Variants in MUS81 observed in about 807,000 individuals in gnomAD.
The protein encoded by MUS81 is MUS81 structure-specific endonuclease subunit.
In MUS81, 69 loss-of-function variants were observed where a neutral mutation model predicts 74.2. That is an observed-to-expected ratio of 0.93 (90% CI 0.77 to 1.14). MUS81 has a LOEUF of 1.14. Ranked by LOEUF, MUS81 falls within the 50% of genes most tolerant of loss-of-function variation. MUS81 has a pLI of 0.00. For missense variants in MUS81, 711 were observed against 726.5 expected (o/e 0.98, Z 0.25); for synonymous variants, 303 against 300.6 (o/e 1.01, Z -0.08).
intron 9 of MUS81, 41 bp downstream of exon 9, chr11:65,863,762 G>A (rs778454748): frequency 6.2e-7 from 1 of 1,614,176 alleles, no homozygotes; most frequent in South Asian, 1.1e-5. Flanking sequence ...GGCAGGGCCT[G>A]GTGGGTAGGG....
intron 14 of MUS81, 98 bp from the exon 15 acceptor site, chr11:65,865,713 C>A: frequency 8.0e-7 from 1 of 1,248,460 alleles, no homozygotes; most frequent in Non-Finnish European, 1.2e-6. Flanking sequence ...AGTGTCCCAA[C>A]TCTTCCATCC....
chr11:65,863,715 G>A lies in MUS81; in HGVS notation c.955G>A (p.Asp319Asn). 8.7e-6 allele frequency: 14 copies of A among 1,614,070 alleles called. No homozygotes were observed. The highest frequency in any genetic ancestry group is 1.2e-5 in the Non-Finnish European group (14 of 1,179,976). The change falls in exon 9 of 16, where the codon GAC (aspartate) becomes AAC (asparagine). Residue 319 changes from aspartate to asparagine, a missense_variant. Transcript: ENST00000308110. ...GGTGGCCCAGGAGACCAATCCTAGAGACCCAGGTGAAGGGCCGTGGACAGG... is the reference window on the plus strand; with the variant it reads ...GGTGGCCCAGGAGACCAATCCTAGAAACCCAGGTGAAGGGCCGTGGACAGG... ...VWVAQETNPR[D>N]PANPGELVLD... is the part of the protein sequence containing the mutation.
In MUS81 at chr11:65,860,665, C is replaced by T; in HGVS notation, c.-89C>T. 2 of 1,519,578 alleles carry T rather than the reference C, an allele frequency of 1.3e-6. No individual in the cohort carries two copies. Among genetic ancestry groups the T allele is most frequent in the Non-Finnish European group, 1.8e-6 (2 of 1,134,410 alleles). 94.1% of individuals were successfully genotyped at this position (1,519,578 alleles called of 1,614,324 possible). A position where few individuals can be genotyped will look rare whatever the true frequency, so the allele number is the denominator to read the frequency against. On this transcript the variant is annotated 5_prime_UTR_variant, in exon 1 of 16. Transcript: ENST00000308110. ...CGGTCTCCCTCTTCCCCCGCCCCGC[C>T]CTGGGCCAGGTGTTCGAATCCCGAC...
chr11:65,863,053 T>C lies in MUS81; in HGVS notation c.606-12T>C, dbSNP rs1565266702. The C allele has an allele frequency of 3.1e-6, 5 of 1,613,954 alleles. No individual in the cohort carries two copies. Among genetic ancestry groups the C allele is most frequent in the Non-Finnish European group, 3.4e-6 (4 of 1,179,996 alleles). On this transcript the variant is annotated splice_polypyrimidine_tract_variant and intron_variant, in intron 6 of 15. Coordinates refer to ENST00000308110, the MANE Select transcript of MUS81 (RefSeq NM_025128.5). Reference sequence around the variant, plus strand: ...AAGAAGGTAGAGCTGTGTTGTCCCCTCTGCCTCCCAGGTACTCATTGACCC... The same window carrying C: ...AAGAAGGTAGAGCTGTGTTGTCCCCCCTGCCTCCCAGGTACTCATTGACCC...
In MUS81 at chr11:65,861,423, C is replaced by G; in HGVS notation, c.339C>G (p.Asp113Glu). The change falls in exon 3 of 16, where the codon GAC (aspartate) becomes GAG (glutamate). Residue 113 changes from aspartate to glutamate, a missense_variant. Asp to Glu is a conservative substitution (Grantham distance 45). Coordinates refer to ENST00000308110, the MANE Select transcript of MUS81 (RefSeq NM_025128.5). Reference sequence around the variant, plus strand: ...AGGGGCGACTTGCGGAAGTCCAGGACTCTTCCATGCCAGTGAGGAAGGGGC... The same window carrying G: ...AGGGGCGACTTGCGGAAGTCCAGGAGTCTTCCATGCCAGTGAGGAAGGGGC... Reference protein sequence around the residue: ...APQGRLAEVQDSSMPVPAQPK... With the variant: ...APQGRLAEVQESSMPVPAQPK... 6.2e-7 allele frequency: 1 copy of G among 1,601,724 alleles called. No homozygotes were observed. The highest frequency in any genetic ancestry group is 8.5e-7 in the Non-Finnish European group (1 of 1,173,084).
At chr11:65,863,250 T>G (rs930599451) in intron 7 of MUS81, 45 bp downstream of exon 7, 3 of 1,591,258 alleles carry the variant, frequency 1.9e-6, no homozygotes, top group Non-Finnish European at 2.6e-6. Flanking sequence ...GAGGAGGGGA[T>G]GGGAAATGAG....
chr11:65,866,803 C>T (rs187686630), downstream of MUS81: 2,063 of 1,376,880 alleles, frequency 1.5e-3, 20 homozygotes, highest in Non-Finnish European at 9.0e-4. Flanking sequence ...CAGTGTGACC[C>T]GCCCACCTCA....
Position 65,861,362 on chromosome 11 carries a change from C to T in MUS81, c.278C>T (p.Pro93Leu), listed in dbSNP as rs750500996. 5 of 1,598,424 alleles carry T rather than the reference C, an allele frequency of 3.1e-6. No individual in the cohort carries two copies. In the African/African-American group the frequency reaches 4.0e-5, roughly 13 times the overall value. The change falls in exon 3 of 16, where the codon CCG becomes CTG. Residue 93 changes from proline (P) to leucine (L), a missense_variant. By Grantham distance (98) the Pro-to-Leu change is moderately conservative. Coordinates refer to ENST00000308110, the MANE Select transcript of MUS81 (RefSeq NM_025128.5). Reference protein sequence around the residue: ...RHRTSGGDHAPDSPSGENSPA... With the variant: ...RHRTSGGDHALDSPSGENSPA... ...TTCTCTCCCGCAGGTGACCATGCCC[C>T]GGACTCACCATCTGGAGAGAACAGT... is the stretch of plus-strand genomic sequence containing the variant.
At chr11:65,861,674 C>T (rs1859611471) in intron 3 of MUS81, 1 of 600,662 alleles carries the variant, frequency 1.7e-6, no homozygotes, top group Non-Finnish European at 2.9e-6. Context: ...GTTACGGGGT[C>T]ACCATTATTG....
chr11:65,865,622 G>C, intron 14 of MUS81, 189 bp from the exon 15 acceptor site: 1 of 663,390 alleles, frequency 1.5e-6, no homozygotes, highest in Non-Finnish European at 2.6e-6. Flanking sequence ...GCCTTTGCTG[G>C]TTTTGCCCCA....
At position 65,863,505 on chromosome 11, in the gene MUS81, G is replaced by A; in HGVS notation, c.839+3G>A. On this transcript the variant is annotated splice_donor_region_variant and intron_variant, in intron 8 of 15. Transcript: ENST00000308110. ...GTGGACATTGGCGAGACCCGGGGGT[G>A]AGTGAGGTGGGGAGAAACGAGGGAG... The A allele has an allele frequency of 6.2e-7, 1 of 1,614,160 alleles. No homozygotes were observed. Among genetic ancestry groups the A allele is most frequent in the South Asian group, 1.1e-5 (1 of 91,078 alleles).
chr11:65,862,455 G>A lies in MUS81; in HGVS notation c.531G>A (p.Gly177=), dbSNP rs1232914410. The change falls in exon 6 of 16, where the codon GGG becomes GGA. Residue 177 remains glycine (G), a synonymous_variant. Coordinates refer to ENST00000308110, the MANE Select transcript of MUS81 (RefSeq NM_025128.5). The stretch of plus-strand genomic sequence containing the variant: ...TTTCTGATCCACAGGTAGCCCCTGG[G>A]AGTGCTCGACCCTGGCCAGCCCTCC... ...CAQKSPRVAP[G]SARPWPALRS... is the part of the protein sequence containing the mutation. 3 of 1,613,770 alleles carry A rather than the reference G, an allele frequency of 1.9e-6. No homozygotes were observed. In the Admixed American group the frequency reaches 5.0e-5, roughly 27 times the overall value.
chr11:65,864,905 T>C, intron 12 of MUS81, 90 bp downstream of exon 12: 3 of 1,578,290 alleles, frequency 1.9e-6, no homozygotes, highest in Non-Finnish European at 2.6e-6. Flanking sequence ...AGAAGCAAGG[T>C]GGGTGAGATC....
Position 65,865,337 on chromosome 11 carries a change from G to A in MUS81, c.1505+14G>A. On this transcript the variant is annotated intron_variant, in intron 14 of 15. Transcript: ENST00000308110. The stretch of plus-strand genomic sequence containing the variant: ...CACCCCTGCCAGGTAGGCCCTAAAG[G>A]GCCCTTAGGTGTCCTCAGCCCCTGC... The A allele has an allele frequency of 1.9e-6, 3 of 1,609,364 alleles. No individual in the cohort carries two copies. Among genetic ancestry groups the A allele is most frequent in the Non-Finnish European group, 2.5e-6 (3 of 1,177,106 alleles).
rs750308984 is a variant in MUS81, at chr11:65,865,063, A to G, written c.1319A>G (p.Glu440Gly). ...SRPWGTPGNP[E>G]SGAMTSPNPL... ...CCCTGGGGAACCCCTGGGAACCCTG[A>G]ATCAGGGGCCATGACCTCTCCAAAC... The change falls in exon 13 of 16, where the codon GAA becomes GGA. Residue 440 changes from glutamate (E) to glycine (G), a missense_variant. Transcript: ENST00000308110. The G allele has an allele frequency of 7.4e-6, 12 of 1,613,928 alleles. No individual in the cohort carries two copies. The highest frequency in any genetic ancestry group is 1.0e-5 in the Non-Finnish European group (12 of 1,179,998).
chr11:65,865,405 G>C, intron 14 of MUS81, 82 bp downstream of exon 14: 1 of 1,394,696 alleles, frequency 7.2e-7, no homozygotes, highest in South Asian at 1.3e-5. Flanking sequence ...TTCGTGGAGG[G>C]GGCCTGGCCT....
chr11:65,864,062 C>T, intron 10 of MUS81, 161 bp downstream of exon 10: 1 of 696,388 alleles, frequency 1.4e-6, no homozygotes, highest in Non-Finnish European at 2.4e-6. Context: ...CCCCACAGGC[C>T]CATCCAGGCG....
intron 10 of MUS81, chr11:65,864,106 C>T: frequency 1.6e-6 from 1 of 616,216 alleles, no homozygotes; most frequent in Non-Finnish European, 2.9e-6. Flanking sequence ...CATTCTTGGG[C>T]TGAGGTCAGG....
chr11:65,865,669 T>C, intron 14 of MUS81, 142 bp from the exon 15 acceptor site: 1 of 864,806 alleles, frequency 1.2e-6, no homozygotes, highest in Non-Finnish European at 1.8e-6. Context: ...CCGGCTGGCA[T>C]GGGGCCTTGA....
Sources: gnomAD v4.1 joint callset for allele counts on GRCh38, gnomAD v4.1.1 for gene constraint, MANE v1.5 for transcripts, NCBI Gene and HGNC (gene_info 2026-07-23, HGNC 2026-07-21) for gene names.